The following TBC1D12 variants were observed in gnomAD, a reference collection of about 807,000 sequenced individuals.
The protein encoded by TBC1D12 is TBC1 domain family, member 12.
In TBC1D12, 56 loss-of-function variants were observed where a neutral mutation model predicts 86.7. That is an observed-to-expected ratio of 0.65 (90% CI 0.52 to 0.81). TBC1D12 has a LOEUF of 0.81. Ranked by LOEUF, TBC1D12 falls within the 30% of genes least tolerant of loss-of-function variation. The probability of loss-of-function intolerance (pLI) is 0.00; values close to 1 mark genes in which losing one functional copy is unlikely to be tolerated. For synonymous variants in TBC1D12, 421 were observed against 411.7 expected, an observed-to-expected ratio of 1.02 and a Z score of -0.27; for missense variants, 1,023 against 1,038.8, an observed-to-expected ratio of 0.98 and a Z score of 0.21.
chr10:94,434,318 C>G (rs188116972), intron 1 of TBC1D12, among the ~76,000 whole-genome samples: 409 of 149,946 alleles, frequency 2.7e-3, no homozygotes, highest in Non-Finnish European at 4.2e-3. Flanking sequence ...CCAGCCTGAC[C>G]AACATGGTGA....
chr10:94,481,682 T>C (rs961106213), intron 3 of TBC1D12, among the ~76,000 whole-genome samples: 1 of 152,250 alleles, frequency 6.6e-6, no homozygotes, highest in African/African-American at 2.4e-5. Context: ...TGCTTTCTTA[T>C]CATTTATGTG....
chr10:94,501,060 GAATGAATGAATA>G (rs1321861561), intron 6 of TBC1D12, among the ~76,000 whole-genome samples: 9 of 140,618 alleles, frequency 6.4e-5, no homozygotes, highest in African/African-American at 1.3e-4. Context: ...TATCTCAAAT[GAATGAATGAATA>G]AATGAATGAA....
intron 1 of TBC1D12, among the ~76,000 whole-genome samples, chr10:94,416,436 A>G (rs1400442440): frequency 1.3e-5 from 2 of 152,240 alleles, no homozygotes; most frequent in Admixed American, 6.5e-5. Context: ...TGTAATGTTC[A>G]TAGTCCCAAT....
chr10:94,460,206 C>T (rs1259612088), intron 2 of TBC1D12, among the ~76,000 whole-genome samples: 9 of 152,124 alleles, frequency 5.9e-5, no homozygotes, highest in Non-Finnish European at 1.3e-4. Flanking sequence ...CGCCACTGCA[C>T]TCCAGCGTGG....
rs947179778 is a variant in TBC1D12 at position 94,535,385 on chromosome 10, G to A, written c.*2289G>A. ...CAGTTTAGTTTGAAACAACACTTAAGCACACTATTTCTGTTAGTGTATATA... is the reference window on the plus strand; with the variant it reads ...CAGTTTAGTTTGAAACAACACTTAAACACACTATTTCTGTTAGTGTATATA... On this transcript the variant is annotated 3_prime_UTR_variant, in exon 13 of 13. Transcript: ENST00000225235. The A allele has an allele frequency of 6.6e-6, 1 of 152,116 alleles. No homozygotes were observed. Among genetic ancestry groups the A allele is most frequent in the Non-Finnish European group, 1.5e-5 (1 of 68,022 alleles). 9.4% of individuals were successfully genotyped at this position (152,116 alleles called of 1,614,324 possible). A position where few individuals can be genotyped will look rare whatever the true frequency, so the allele number is the denominator to read the frequency against.
At chr10:94,482,230 T>A (rs1403492968) in intron 3 of TBC1D12, among the ~76,000 whole-genome samples, 2 of 152,200 alleles carry the variant, frequency 1.3e-5, no homozygotes, top group East Asian at 3.9e-4. Context: ...ATCATTTAGC[T>A]CTCACTTGTG....
At chr10:94,502,518 A>G (rs990212079) in intron 6 of TBC1D12, among the ~76,000 whole-genome samples, 13 of 152,020 alleles carry the variant, frequency 8.6e-5, no homozygotes, top group Non-Finnish European at 1.9e-4. Flanking sequence ...CAGCCTGGGC[A>G]ACATAGCGAG....
At chr10:94,531,484 T>A (rs777144460) in intron 12 of TBC1D12, 24 bp downstream of exon 12, 6 of 1,594,050 alleles carry the variant, frequency 3.8e-6, no homozygotes, top group Non-Finnish European at 5.1e-6. Context: ...TTCTTATCTT[T>A]AATAGATGTG....
chr10:94,523,224 A>G (rs1289163144), intron 11 of TBC1D12, among the ~76,000 whole-genome samples: 1 of 147,072 alleles, frequency 6.8e-6, no homozygotes. Context: ...AAAAGAGCAT[A>G]GACTCTGGGT....
intron 1 of TBC1D12, among the ~76,000 whole-genome samples, chr10:94,412,525 G>A (rs532220033): frequency 6.6e-6 from 1 of 152,314 alleles, no homozygotes; most frequent in Admixed American, 6.5e-5. Context: ...AGAAGGAACC[G>A]AAAGGAATGC....
intron 1 of TBC1D12, among the ~76,000 whole-genome samples, chr10:94,407,372 C>T (rs190613203): frequency 1.4e-3 from 206 of 152,268 alleles, no homozygotes; most frequent in Non-Finnish European, 2.3e-3. Flanking sequence ...GATCCTTGAC[C>T]CTTTCCTGTC....
At position 94,427,056 on chromosome 10, in the gene TBC1D12, A is replaced by G. The variant is rs565053347; in HGVS notation, c.972-14840A>G. Among the ~76,000 whole-genome samples, 23 of 152,358 alleles carry G rather than the reference A, an allele frequency of 1.5e-4. No individual in the cohort carries two copies. In the East Asian group the frequency reaches 4.4e-3, roughly 29 times the overall value. ...CCCCAAAAGAAACCCTGTACCTATT[A>G]TAAAGATGAAATACATATGAAGGTA... On this transcript the variant is annotated intron_variant, in intron 1 of 12. Coordinates refer to ENST00000225235, the MANE Select transcript of TBC1D12 (RefSeq NM_015188.2).
chr10:94,468,043 C>T (rs916234492), intron 2 of TBC1D12, among the ~76,000 whole-genome samples: 1 of 152,192 alleles, frequency 6.6e-6, no homozygotes, highest in Admixed American at 6.5e-5. Flanking sequence ...GAAACTGCAA[C>T]ACTAGGGCTT....
intron 1 of TBC1D12, among the ~76,000 whole-genome samples, chr10:94,429,960 T>A (rs2055193607): frequency 6.6e-6 from 1 of 152,192 alleles, no homozygotes. Context: ...GGTCTCGAAC[T>A]CTTGGACGCA....
intron 4 of TBC1D12, among the ~76,000 whole-genome samples, chr10:94,494,683 A>G (rs2056291694): frequency 6.6e-6 from 1 of 151,790 alleles, no homozygotes; most frequent in South Asian, 2.1e-4. Flanking sequence ...AGCTGGGACC[A>G]TAGGCGTGCA....
At chr10:94,416,619 T>G (rs11187933) in intron 1 of TBC1D12, among the ~76,000 whole-genome samples, 24,130 of 152,212 alleles carry the variant, frequency 0.16, 2,257 homozygotes, top group East Asian at 0.38. Context: ...GCACATAGGA[T>G]ATTAGGTAAA....
chr10:94,467,112 A>G (rs1268220471), intron 2 of TBC1D12, among the ~76,000 whole-genome samples: 1 of 152,216 alleles, frequency 6.6e-6, no homozygotes, highest in African/African-American at 2.4e-5. Context: ...TGCAGTTTGC[A>G]GTCAGTTTTT....
chr10:94,524,537 G>T (rs998987974), intron 11 of TBC1D12, among the ~76,000 whole-genome samples: 1 of 151,874 alleles, frequency 6.6e-6, no homozygotes, highest in Non-Finnish European at 1.5e-5. Flanking sequence ...TCAGGAGATC[G>T]AGACCATCCT....
chr10:94,499,867 C>G (rs948190591), intron 5 of TBC1D12, among the ~76,000 whole-genome samples: 2 of 152,158 alleles, frequency 1.3e-5, no homozygotes, highest in Non-Finnish European at 2.9e-5. Flanking sequence ...CTAGGGCCTT[C>G]CCACTGTAGA....
Sources: gnomAD v4.1 joint callset for allele counts (sites outside exome capture counted in the v4.1 genomes callset) on GRCh38, gnomAD v4.1.1 for gene constraint, MANE v1.5 for transcripts, NCBI Gene and HGNC (gene_info 2026-07-23, HGNC 2026-07-21) for gene names.